The following SOX5 variants were observed in gnomAD, a reference collection of about 807,000 sequenced individuals.
SOX5 encodes the protein SRY-box transcription factor 5.
A neutral mutation model predicts 92.0 loss-of-function variants in SOX5; 9 were observed. The ratio of observed to expected loss-of-function variants is 0.10; its 90% CI spans 0.06 to 0.17. The LOEUF is 0.17. Ranked by LOEUF, SOX5 falls within the 10% of genes least tolerant of loss-of-function variation. The pLI, the probability that SOX5 is intolerant of heterozygous loss-of-function variation, is 1.00. For missense variants in SOX5, 642 were observed against 944.5 expected, an observed-to-expected ratio of 0.68 and a Z score of 4.20; for synonymous variants, 344 against 336.3, an observed-to-expected ratio of 1.02 and a Z score of -0.25.
intron 1 of SOX5, among the ~76,000 whole-genome samples, chr12:24,531,315 T>C (rs754325495): frequency 6.6e-6 from 1 of 152,188 alleles, no homozygotes; most frequent in Non-Finnish European, 1.5e-5. Flanking sequence ...TGAAATTATT[T>C]TTTCCATTTG....
At chr12:24,446,718 T>C (rs1941535916) in intron 1 of SOX5, among the ~76,000 whole-genome samples, 1 of 152,100 alleles carries the variant, frequency 6.6e-6, no homozygotes, top group African/African-American at 2.4e-5. Context: ...GAGGTGATAG[T>C]AATGGGAGAG....
At chr12:23,629,193 A>G (rs1282649386) in intron 8 of SOX5, among the ~76,000 whole-genome samples, 1 of 152,094 alleles carries the variant, frequency 6.6e-6, no homozygotes, top group African/African-American at 2.4e-5. Context: ...AATGAAAGCA[A>G]TTCAGAAGGT....
At chr12:24,094,107 C>T (rs570522191) in intron 4 of SOX5, among the ~76,000 whole-genome samples, 12 of 152,046 alleles carry the variant, frequency 7.9e-5, no homozygotes, top group South Asian at 6.3e-4. Flanking sequence ...CCACCATGCC[C>T]GGCTAATTTT....
intron 2 of SOX5, among the ~76,000 whole-genome samples, chr12:23,874,653 C>A (rs2057953083): frequency 6.6e-6 from 1 of 152,036 alleles, no homozygotes. Context: ...AATAGATGAT[C>A]CCAAGATGAT....
At chr12:23,832,911 A>T (rs1470576987) in intron 3 of SOX5, among the ~76,000 whole-genome samples, 1 of 151,992 alleles carries the variant, frequency 6.6e-6, no homozygotes, top group Non-Finnish European at 1.5e-5. Flanking sequence ...TCTGTAAATT[A>T]TCCCTTCAAA....
rs145972512 is a variant in SOX5, at chr12:24,490,162, G to T, written c.-251+72167C>A. On this transcript the variant is annotated intron_variant, in intron 1 of 4. Coordinates refer to the SOX5 transcript ENST00000446891. ...CAGATGCTGCAATGAAGAGAGGAGA[G>T]ACCATTTGTTCTATAACTCAGCTTT... Among the ~76,000 whole-genome samples, 100 of 152,310 alleles carry T rather than the reference G, an allele frequency of 6.6e-4. 1 individual carries two copies. The highest frequency in any genetic ancestry group is 2.3e-3 in the African/African-American group (96 of 41,566).
chr12:24,454,637 A>G (rs1289262168), intron 1 of SOX5, among the ~76,000 whole-genome samples: 1 of 151,948 alleles, frequency 6.6e-6, no homozygotes. Flanking sequence ...TAATCCAAAA[A>G]CCTCTGGTTT....
At chr12:23,993,884 T>C (rs145689956) in intron 4 of SOX5, among the ~76,000 whole-genome samples, 19 of 147,058 alleles carry the variant, frequency 1.3e-4, no homozygotes, top group Non-Finnish European at 2.3e-4. Flanking sequence ...TGTATGTATG[T>C]ATGTATGTAT....
chr12:24,398,148 C>A (rs1555270647), intron 1 of SOX5, among the ~76,000 whole-genome samples: 1 of 152,134 alleles, frequency 6.6e-6, no homozygotes, highest in Non-Finnish European at 1.5e-5. Context: ...CCACACCCGG[C>A]CAAATATTAT....
intron 4 of SOX5, among the ~76,000 whole-genome samples, chr12:24,022,598 C>T (rs983971354): frequency 6.6e-6 from 1 of 152,028 alleles, no homozygotes; most frequent in African/African-American, 2.4e-5. Flanking sequence ...GTGTCCCTTC[C>T]CAGTGCCAAG....
intron 4 of SOX5, among the ~76,000 whole-genome samples, chr12:24,154,663 T>C (rs1951987834): frequency 6.6e-6 from 1 of 152,012 alleles, no homozygotes; most frequent in African/African-American, 2.4e-5. Flanking sequence ...TCATTTTAAG[T>C]GAAAAGGGCA....
At chr12:23,786,117 T>C (rs1475492774) in intron 3 of SOX5, among the ~76,000 whole-genome samples, 1 of 152,008 alleles carries the variant, frequency 6.6e-6, no homozygotes, top group Non-Finnish European at 1.5e-5. Context: ...TCTTTTTCCA[T>C]TGCTCATCCA....
intron 2 of SOX5, among the ~76,000 whole-genome samples, chr12:24,286,132 C>A (rs1945834988): frequency 2.0e-5 from 3 of 152,114 alleles, no homozygotes; most frequent in South Asian, 4.2e-4. Context: ...ATTCACAAGA[C>A]CTTGCAATGT....
intron 1 of SOX5, among the ~76,000 whole-genome samples, chr12:24,431,687 T>C (rs1938360050): frequency 6.6e-6 from 1 of 152,208 alleles, no homozygotes; most frequent in Non-Finnish European, 1.5e-5. Flanking sequence ...AGAAACTTCA[T>C]ACCAGTGAGC....
At chr12:23,809,957 T>G (rs1183981826) in intron 3 of SOX5, among the ~76,000 whole-genome samples, 2 of 152,050 alleles carry the variant, frequency 1.3e-5, no homozygotes, top group Non-Finnish European at 2.9e-5. Flanking sequence ...GAGGATCTAG[T>G]CAAAGACAAA....
chr12:24,158,849 G>C (rs1327497969), intron 4 of SOX5, among the ~76,000 whole-genome samples: 1 of 151,764 alleles, frequency 6.6e-6, no homozygotes, highest in Non-Finnish European at 1.5e-5. Flanking sequence ...AAGTACGTTA[G>C]GTGACTAACA....
At chr12:24,472,095 T>C (rs1944879104) in intron 1 of SOX5, among the ~76,000 whole-genome samples, 1 of 152,194 alleles carries the variant, frequency 6.6e-6, no homozygotes, top group Admixed American at 6.5e-5. Context: ...TAAACAGATA[T>C]GAGTCTAATT....
intron 4 of SOX5, among the ~76,000 whole-genome samples, chr12:24,143,570 T>G (rs577175119): frequency 1.3e-5 from 2 of 152,034 alleles, no homozygotes; most frequent in Non-Finnish European, 2.9e-5. Flanking sequence ...GAGCAATACT[T>G]AAACTCAGAA....
chr12:23,553,297 CACTT>C (rs1254366635), intron 11 of SOX5, among the ~76,000 whole-genome samples: 5 of 152,082 alleles, frequency 3.3e-5, no homozygotes, highest in South Asian at 2.1e-4. Flanking sequence ...GTTAAAGACA[CACTT>C]ACACGTCCCC....
Sources: allele counts gnomAD v4.1 joint callset (sites outside exome capture counted in the v4.1 genomes callset), GRCh38; gene constraint gnomAD v4.1.1; transcripts MANE v1.5; gene names NCBI Gene and HGNC (gene_info 2026-07-23, HGNC 2026-07-21).